Variants in GPR141 observed in about 807,000 individuals in gnomAD.
GPR141 encodes G protein-coupled receptor 141.
GPR141 carries 6 observed loss-of-function variants against 6.8 expected under a neutral mutation model. The ratio of observed to expected loss-of-function variants is 0.88; its 90% CI spans 0.48 to 1.74. The LOEUF (loss-of-function observed/expected upper bound fraction) is 1.74, where lower values mean the gene tolerates loss of function less well. Ranked by LOEUF, GPR141 falls within the 40% of genes most tolerant of loss-of-function variation. The pLI, the probability that GPR141 is intolerant of heterozygous loss-of-function variation, is 0.01. For synonymous variants in GPR141, 140 were observed against 142.3 expected (o/e 0.98, Z 0.11); for missense variants, 372 against 372.9 (o/e 1.00, Z 0.02).
intron 2 of GPR141, among the ~76,000 whole-genome samples, chr7:37,722,426 T>TG (rs1811380603): frequency 6.9e-6 from 1 of 144,264 alleles, no homozygotes; most frequent in Non-Finnish European, 1.5e-5. Flanking sequence ...TTCCCTCTCT[T>TG]AAAAAAAAAA....
chr7:37,697,915 C>A (rs1810098215), intron 2 of GPR141, among the ~76,000 whole-genome samples: 1 of 152,176 alleles, frequency 6.6e-6, no homozygotes, highest in South Asian at 2.1e-4. Flanking sequence ...ACATAACTAA[C>A]AGCCGATCTG....
chr7:37,742,999 A>G lies in GPR141; in HGVS notation c.*1688A>G, dbSNP rs1812643128. On this transcript the variant is annotated 3_prime_UTR_variant, in exon 3 of 3. Coordinates refer to ENST00000334425, the MANE Select transcript of GPR141 (RefSeq NM_001381946.1). ...CTTCTGTTACTGGCTAGGTTGATAC[A>G]TAGGCTTGTGGGTTTTTGCTTTTTG... is the stretch of plus-strand genomic sequence containing the variant. Among the ~76,000 whole-genome samples, 1 of 152,130 alleles carries G rather than the reference A, an allele frequency of 6.6e-6. No individual in the cohort carries two copies. The highest frequency in any genetic ancestry group is 1.5e-5 in the Non-Finnish European group (1 of 68,018).
intron 2 of GPR141, among the ~76,000 whole-genome samples, chr7:37,724,768 C>A (rs1426251452): frequency 6.6e-6 from 1 of 152,180 alleles, no homozygotes; most frequent in Non-Finnish European, 1.5e-5. Flanking sequence ...ACCTGTGATG[C>A]CTCTTCTAGC....
chr7:37,697,684 T>C (rs374554724), intron 2 of GPR141, among the ~76,000 whole-genome samples: 8 of 152,114 alleles, frequency 5.3e-5, no homozygotes, highest in African/African-American at 1.9e-4. Flanking sequence ...AACAAGAAAA[T>C]TGACACTCAG....
At chr7:37,685,752 C>CG (rs1809479291) in intron 2 of GPR141, among the ~76,000 whole-genome samples, 169 bp downstream of exon 2, 1 of 113,144 alleles carries the variant, frequency 8.8e-6, no homozygotes, top group African/African-American at 3.4e-5. Flanking sequence ...CCTGGCAGCA[C>CG]TTTTTTTTTT....
intron 2 of GPR141, among the ~76,000 whole-genome samples, chr7:37,703,036 C>T (rs1206568682): frequency 6.6e-6 from 1 of 151,892 alleles, no homozygotes; most frequent in Non-Finnish European, 1.5e-5. Flanking sequence ...TCAAATGTAT[C>T]CTCCATATGT....
chr7:37,729,861 T>G (rs1263081503), intron 2 of GPR141: 2 of 152,360 alleles, frequency 1.3e-5, no homozygotes, highest in Admixed American at 6.5e-5. Flanking sequence ...TTCTTGTATT[T>G]GGAATGGATT....
chr7:37,725,459 T>G (rs1811579598), intron 2 of GPR141, among the ~76,000 whole-genome samples: 1 of 152,196 alleles, frequency 6.6e-6, no homozygotes, highest in African/African-American at 2.4e-5. Context: ...CTCCTAGTCC[T>G]CTAACCAGGG....
intron 2 of GPR141, among the ~76,000 whole-genome samples, chr7:37,701,709 G>C (rs985182489): frequency 1.3e-5 from 2 of 152,130 alleles, no homozygotes; most frequent in African/African-American, 4.8e-5. Flanking sequence ...TCATTCAGTG[G>C]AATTGTACTT....
rs73346209 is a variant in GPR141, at chr7:37,737,857, G to A, written c.-14-2523G>A. Reference sequence around the variant, plus strand: ...CAGAAAGGGTTCGGGTGGATATTGCGTGAACTAACCTATGGGATTGACTAT... The same window carrying A: ...CAGAAAGGGTTCGGGTGGATATTGCATGAACTAACCTATGGGATTGACTAT... On this transcript the variant is annotated intron_variant, in intron 2 of 2. Coordinates refer to ENST00000334425, the MANE Select transcript of GPR141 (RefSeq NM_001381946.1). Among the ~76,000 whole-genome samples the A allele has an allele frequency of 7.5e-3, 1,149 of 152,234 alleles. 12 individuals carry two copies. Among genetic ancestry groups the A allele is most frequent in the African/African-American group, 0.022 (920 of 41,532 alleles).
chr7:37,685,888 C>T (rs767404522), intron 2 of GPR141, among the ~76,000 whole-genome samples: 30 of 151,722 alleles, frequency 2.0e-4, no homozygotes, highest in South Asian at 1.7e-3. Flanking sequence ...AATCAATGAG[C>T]CTGTGAAATG....
intron 2 of GPR141, among the ~76,000 whole-genome samples, chr7:37,710,167 C>G (rs1178214386): frequency 6.6e-6 from 1 of 152,076 alleles, no homozygotes; most frequent in African/African-American, 2.4e-5. Flanking sequence ...GTAGAACTAT[C>G]TTTTGTTATT....
intron 2 of GPR141, among the ~76,000 whole-genome samples, chr7:37,708,678 C>T (rs1403795042): frequency 2.0e-5 from 3 of 152,130 alleles, no homozygotes; most frequent in African/African-American, 4.8e-5. Flanking sequence ...CAGACAGGGT[C>T]CTTTCATGCA....
chr7:37,740,577 C>T lies in GPR141; in HGVS notation c.184C>T (p.His62Tyr). 6.2e-7 allele frequency: 1 copy of T among 1,614,020 alleles called. No individual in the cohort carries two copies. The highest frequency in any genetic ancestry group is 8.5e-7 in the Non-Finnish European group (1 of 1,179,954). ...GGCGGTCATTAACTTGGTGGTGGTC[C>T]ACAGCGTTTTTCTGCTGACAGTGCC... Reference protein sequence around the residue: ...TMAVINLVVVHSVFLLTVPFR... With the variant: ...TMAVINLVVVYSVFLLTVPFR... Residue 62 changes from histidine (H) to tyrosine (Y), a missense_variant, in exon 3 of 3, where the codon CAC (histidine) becomes TAC (tyrosine). Physicochemically the swap from His to Tyr is moderately conservative, Grantham distance 83. Coordinates refer to ENST00000334425, the MANE Select transcript of GPR141 (RefSeq NM_001381946.1).
At chr7:37,739,483 A>G (rs1812422273) in intron 2 of GPR141, among the ~76,000 whole-genome samples, 1 of 152,226 alleles carries the variant, frequency 6.6e-6, no homozygotes, top group Non-Finnish European at 1.5e-5. Context: ...CCAGACATGT[A>G]AGGCTATCAA....
intron 2 of GPR141, among the ~76,000 whole-genome samples, chr7:37,714,555 A>G (rs923446462): frequency 6.6e-6 from 1 of 152,200 alleles, no homozygotes; most frequent in Non-Finnish European, 1.5e-5. Context: ...TCTTGTTACT[A>G]GTGGTCGTTT....
intron 2 of GPR141, among the ~76,000 whole-genome samples, chr7:37,694,864 A>G (rs1809944708): frequency 6.6e-6 from 1 of 152,312 alleles, no homozygotes; most frequent in African/African-American, 2.4e-5. Context: ...TCAAATTTCA[A>G]CATTAGGCTT....
At chr7:37,722,416 T>C (rs1811378914) in intron 2 of GPR141, among the ~76,000 whole-genome samples, 1 of 119,328 alleles carries the variant, frequency 8.4e-6, no homozygotes, top group Non-Finnish European at 1.9e-5. Flanking sequence ...TATAGTAAGG[T>C]TCCCTCTCTT....
At chr7:37,716,473 CAG>C (rs1274223713) in intron 2 of GPR141, among the ~76,000 whole-genome samples, 5 of 151,964 alleles carry the variant, frequency 3.3e-5, no homozygotes, top group Non-Finnish European at 7.4e-5. Context: ...AACTGGGACA[CAG>C]GGAGAGTAAG....
Sources: gnomAD v4.1 joint callset for allele counts (sites outside exome capture counted in the v4.1 genomes callset) on GRCh38, gnomAD v4.1.1 for gene constraint, MANE v1.5 for transcripts, NCBI Gene and HGNC (gene_info 2026-07-23, HGNC 2026-07-21) for gene names.